The following FER1L6 variants were observed in gnomAD, a reference collection of about 807,000 sequenced individuals.
FER1L6 encodes fer-1-like protein 6.
In FER1L6, 177 loss-of-function variants were observed where a neutral mutation model predicts 219.2. That is an observed-to-expected ratio of 0.81 (90% CI 0.71 to 0.91). FER1L6 has a LOEUF of 0.91. Ranked by LOEUF, FER1L6 falls within the 40% of genes least tolerant of loss-of-function variation. FER1L6 has a pLI of 0.00. For synonymous variants in FER1L6, 768 were observed against 824.3 expected (o/e 0.93, Z 1.17); for missense variants, 2,153 against 2,259.9 (o/e 0.95, Z 0.96).
At position 124,111,699 on chromosome 8, in the gene FER1L6, A is replaced by T. The variant is rs1307874002; in HGVS notation, c.5290-7145A>T. On this transcript the variant is annotated intron_variant, in intron 39 of 40. Coordinates refer to ENST00000522917, the MANE Select transcript of FER1L6 (RefSeq NM_001039112.2). This position sits in a 1 kb window ranked among gnomAD's most constrained non-coding sequence, Gnocchi z 5.0. ...ATTACCGTGGCATTTGTAAACTATC[A>T]TGGCACTCGCCGGTGGGAGTGTAGC... 6.6e-6 allele frequency among the ~76,000 whole-genome samples: 1 copy of T among 152,088 alleles called. No homozygotes were observed. The highest frequency in any genetic ancestry group is 6.5e-5 in the Admixed American group (1 of 15,276).
intron 39 of FER1L6, among the ~76,000 whole-genome samples, chr8:124,113,861 C>T (rs572051661): frequency 6.6e-6 from 1 of 152,318 alleles, no homozygotes; most frequent in South Asian, 2.1e-4. Context: ...TGCCAGGAGG[C>T]ACATGCTATC....
intron 1 of FER1L6, among the ~76,000 whole-genome samples, chr8:123,905,411 C>T (rs1812933517): frequency 6.6e-6 from 1 of 152,212 alleles, no homozygotes; most frequent in South Asian, 2.1e-4. Flanking sequence ...GACATGATCT[C>T]ATTCCTTTTT....
intron 1 of FER1L6, among the ~76,000 whole-genome samples, chr8:123,918,388 G>C (rs376898087): frequency 2.0e-5 from 3 of 151,580 alleles, no homozygotes; most frequent in African/African-American, 7.3e-5. Flanking sequence ...TATTTAATTA[G>C]TCCCCAGTTG....
intron 1 of FER1L6, among the ~76,000 whole-genome samples, chr8:123,918,444 T>C (rs1453127964): frequency 6.6e-6 from 1 of 152,234 alleles, no homozygotes; most frequent in Non-Finnish European, 1.5e-5. Context: ...ATAATTATCA[T>C]CCTTGTGTAT....
At chr8:123,890,414 T>G (rs1384333615) in intron 1 of FER1L6, among the ~76,000 whole-genome samples, 1 of 151,942 alleles carries the variant, frequency 6.6e-6, no homozygotes, top group Non-Finnish European at 1.5e-5. Flanking sequence ...ATTCATTTGC[T>G]GTTCTTTGGG....
At chr8:123,915,704 C>T (rs183325772) in intron 1 of FER1L6, among the ~76,000 whole-genome samples, 11 of 152,184 alleles carry the variant, frequency 7.2e-5, no homozygotes, top group Non-Finnish European at 1.5e-4. Flanking sequence ...ATTACAATAG[C>T]GATAAGTTCA....
At chr8:124,119,486 T>C in intron 40 of FER1L6, 121 bp from the exon 41 acceptor site, 3 of 697,014 alleles carry the variant, frequency 4.3e-6, no homozygotes, top group Middle Eastern at 3.3e-4. Context: ...TCTTCTCCCA[T>C]TTTCAGGGCT....
At chr8:124,119,497 C>G in intron 40 of FER1L6, 110 bp from the exon 41 acceptor site, 1 of 720,322 alleles carries the variant, frequency 1.4e-6, no homozygotes, top group Non-Finnish European at 2.4e-6. Flanking sequence ...TTTCAGGGCT[C>G]TCCCTATGGG....
chr8:123,880,027 CA>C lies in FER1L6; in HGVS notation c.-8+27844del, dbSNP rs201000318. Among the ~76,000 whole-genome samples the C allele has an allele frequency of 4.4e-4, 67 of 152,232 alleles. 2 individuals are homozygous for C. The East Asian group carries it at 0.012, about 27-fold the overall frequency. On this transcript the variant is annotated intron_variant, in intron 1 of 40. Coordinates refer to ENST00000522917, the MANE Select transcript of FER1L6 (RefSeq NM_001039112.2). Reference sequence around the variant, plus strand: ...GATTGGAGGTAATTTAAGAGAATTACAACACAGCTTTAGATCATATCACTTT... The same window carrying C: ...GATTGGAGGTAATTTAAGAGAATTACACACAGCTTTAGATCATATCACTTT...
intron 1 of FER1L6, among the ~76,000 whole-genome samples, chr8:123,931,972 G>A (rs1813786444): frequency 2.0e-5 from 3 of 152,180 alleles, no homozygotes. Flanking sequence ...AACAGCTCTA[G>A]CTCTCTAAAA....
intron 2 of FER1L6, among the ~76,000 whole-genome samples, chr8:123,959,098 T>C (rs566510421): frequency 2.1e-4 from 32 of 152,192 alleles, no homozygotes; most frequent in African/African-American, 7.7e-4. Flanking sequence ...GTCTGGTTTT[T>C]ATAAGGTCAC....
intron 39 of FER1L6, among the ~76,000 whole-genome samples, chr8:124,104,283 T>C (rs897655121): frequency 1.3e-5 from 2 of 152,190 alleles, no homozygotes; most frequent in Non-Finnish European, 2.9e-5. Context: ...TTATGGGCAA[T>C]CAATATTTGT....
At chr8:123,984,283 T>G (rs1302984952) in intron 11 of FER1L6, 1 of 152,216 alleles carries the variant, frequency 6.6e-6, no homozygotes, top group Non-Finnish European at 1.5e-5. Flanking sequence ...TTGCTTAAAG[T>G]CAATCAGCCT....
chr8:123,902,697 C>T (rs902827869), intron 1 of FER1L6, among the ~76,000 whole-genome samples: 1 of 152,184 alleles, frequency 6.6e-6, no homozygotes, highest in Non-Finnish European at 1.5e-5. Context: ...AGGTGAGCCT[C>T]CTGACGGCAG....
Position 123,966,265 on chromosome 8 carries a change from GA to G in FER1L6, c.361del (p.Thr121ProfsTer35), listed in dbSNP as rs1815535879. 1.2e-6 allele frequency: 2 copies of G among 1,614,016 alleles called. No homozygotes were observed. The highest frequency in any genetic ancestry group is 1.7e-6 in the Non-Finnish European group (2 of 1,180,010). The stretch of plus-strand genomic sequence containing the variant: ...AAGAAGCAAAGCACAGTGAAGGAAG[GA>G]ACCAACAGCCCATTTTATAATGAAG... Reference protein sequence around the residue: ...DEKKQSTVKEGTNSPFYNEYF... With the variant: ...DEKKQSTVKEXTNSPFYNEYF... On this transcript the variant is annotated frameshift_variant, in exon 5 of 41. Transcript: ENST00000522917. LOFTEE classifies it high-confidence loss of function.
At chr8:124,099,762 A>C (rs909622943) in intron 37 of FER1L6, among the ~76,000 whole-genome samples, 5 of 152,058 alleles carry the variant, frequency 3.3e-5, no homozygotes, top group Non-Finnish European at 7.4e-5. Context: ...AAATATCCCA[A>C]ATAACTAGCC....
intron 1 of FER1L6, among the ~76,000 whole-genome samples, chr8:123,938,130 GGACAGAGAA>G (rs917091839): frequency 6.6e-5 from 10 of 152,278 alleles, no homozygotes; most frequent in African/African-American, 2.4e-4. Flanking sequence ...TGCTTTTCAA[GGACAGAGAA>G]GAAGGAAAAC....
At chr8:123,869,265 T>C (rs1418339442) in intron 1 of FER1L6, among the ~76,000 whole-genome samples, 1 of 152,210 alleles carries the variant, frequency 6.6e-6, no homozygotes, top group Non-Finnish European at 1.5e-5. Flanking sequence ...TCCCTTGTTT[T>C]CTTGGACACA....
chr8:124,021,299 C>T (rs893441112), intron 16 of FER1L6, among the ~76,000 whole-genome samples: 2 of 152,108 alleles, frequency 1.3e-5, no homozygotes, highest in Non-Finnish European at 1.5e-5. Flanking sequence ...GCCATGTGAC[C>T]TTGATAAACC....
Sources: gnomAD v4.1 joint callset for allele counts (sites outside exome capture counted in the v4.1 genomes callset) on GRCh38, gnomAD v4.1.1 for gene constraint, Gnocchi (gnomAD v3.1) non-coding constraint, MANE v1.5 for transcripts, NCBI Gene and HGNC (gene_info 2026-07-23, HGNC 2026-07-21) for gene names.